Variants in MNAT1 observed in about 807,000 individuals in gnomAD.
The protein encoded by MNAT1 is MNAT1 component of CDK activating kinase, also known as CDK-activating kinase assembly factor MAT1.
A neutral mutation model predicts 42.0 loss-of-function variants in MNAT1; 43 were observed. That is an observed-to-expected ratio of 1.02 (90% CI 0.80 to 1.32). MNAT1 has a LOEUF of 1.32. MNAT1 is among the 40% of genes most tolerant of loss of function. MNAT1 has a pLI of 0.00. For synonymous variants in MNAT1, 118 were observed against 120.0 expected (o/e 0.98, Z 0.11); for missense variants, 306 against 350.4 (o/e 0.87, Z 1.01).
chr14:60,819,058 G>A (rs999569944), intron 6 of MNAT1, among the ~76,000 whole-genome samples: 1 of 151,986 alleles, frequency 6.6e-6, no homozygotes, highest in Admixed American at 6.6e-5. Context: ...TTTTGTATGT[G>A]AATTGGGTTT....
chr14:60,883,966 G>T lies in MNAT1; in HGVS notation c.809+4131G>T, dbSNP rs145203926. 8.8e-4 allele frequency among the ~76,000 whole-genome samples: 134 copies of T among 151,464 alleles called. 1 individual carries two copies. Among genetic ancestry groups the T allele is most frequent in the African/African-American group, 3.0e-3 (124 of 40,976 alleles). On this transcript the variant is annotated intron_variant, in intron 7 of 7. Transcript: ENST00000261245. ...GTTTATCAGTTCTAATAGTTTTTTT[G>T]TGAAGTCTTTAGGTTTTTCCAAATA... is the stretch of plus-strand genomic sequence containing the variant.
chr14:60,789,122 A>C (rs2031740380), intron 1 of MNAT1, among the ~76,000 whole-genome samples: 1 of 152,084 alleles, frequency 6.6e-6, no homozygotes, highest in East Asian at 1.9e-4. Context: ...TGAACACCTA[A>C]GAGTCCATTG....
intron 6 of MNAT1, among the ~76,000 whole-genome samples, chr14:60,823,284 A>T (rs1378687982): frequency 6.6e-6 from 1 of 152,156 alleles, no homozygotes; most frequent in Admixed American, 6.5e-5. Flanking sequence ...GCTTGTTAGC[A>T]GCAGTGCTCT....
At chr14:60,822,505 T>C (rs1298907663) in intron 6 of MNAT1, among the ~76,000 whole-genome samples, 1 of 152,150 alleles carries the variant, frequency 6.6e-6, no homozygotes, top group African/African-American at 2.4e-5. Context: ...CCTAGCTCAC[T>C]GTAGCCTACT....
chr14:60,902,832 T>C (rs1310168908), intron 7 of MNAT1, among the ~76,000 whole-genome samples: 2 of 151,996 alleles, frequency 1.3e-5, no homozygotes, highest in African/African-American at 2.4e-5. Flanking sequence ...CTTGCTGTTA[T>C]ATATGAAAAC....
chr14:60,887,467 G>A (rs2034706258), intron 7 of MNAT1, among the ~76,000 whole-genome samples: 1 of 141,058 alleles, frequency 7.1e-6, no homozygotes, highest in Non-Finnish European at 1.5e-5. Context: ...TCCCACCTGT[G>A]AGTGAGAACA....
At chr14:60,847,112 T>A (rs2033700816) in intron 6 of MNAT1, among the ~76,000 whole-genome samples, 1 of 152,134 alleles carries the variant, frequency 6.6e-6, no homozygotes, top group Admixed American at 6.6e-5. Flanking sequence ...TCTTAAAGAC[T>A]TGTTTTATTT....
chr14:60,749,372 A>G (rs1311143999), intron 1 of MNAT1, among the ~76,000 whole-genome samples: 2 of 152,234 alleles, frequency 1.3e-5, no homozygotes, highest in African/African-American at 4.8e-5. Flanking sequence ...GGATACAAAT[A>G]CAAATAGAAA....
At chr14:60,737,765 G>A (rs1896345380) in intron 1 of MNAT1, among the ~76,000 whole-genome samples, 1 of 152,036 alleles carries the variant, frequency 6.6e-6, no homozygotes, top group African/African-American at 2.4e-5. Context: ...GACAGGCATG[G>A]TTGTTCCTAC....
chr14:60,854,812 A>T (rs1454093338), intron 6 of MNAT1, among the ~76,000 whole-genome samples: 1 of 152,164 alleles, frequency 6.6e-6, no homozygotes, highest in African/African-American at 2.4e-5. Flanking sequence ...TCTGTCCCTT[A>T]GCAGAGCTGG....
chr14:60,882,041 A>T (rs1225928966), intron 7 of MNAT1, among the ~76,000 whole-genome samples: 1 of 152,066 alleles, frequency 6.6e-6, no homozygotes, highest in Non-Finnish European at 1.5e-5. Flanking sequence ...TGCACCTTTA[A>T]TCACAGCTAC....
At chr14:60,955,597 G>T (rs1240292356) in intron 7 of MNAT1, among the ~76,000 whole-genome samples, 4 of 152,174 alleles carry the variant, frequency 2.6e-5, no homozygotes, top group African/African-American at 9.7e-5. Context: ...GGAGGCGGAG[G>T]TTGCAGTGAG....
intron 7 of MNAT1, among the ~76,000 whole-genome samples, chr14:60,930,554 C>T (rs1165483470): frequency 1.3e-5 from 2 of 152,014 alleles, no homozygotes; most frequent in African/African-American, 2.4e-5. Flanking sequence ...AGCTGACAGT[C>T]TGGAAAAGGG....
At chr14:60,822,823 C>T (rs755797315) in intron 6 of MNAT1, among the ~76,000 whole-genome samples, 12 of 151,998 alleles carry the variant, frequency 7.9e-5, no homozygotes, top group Non-Finnish European at 1.5e-4. Context: ...GTGACACAAT[C>T]TGGACTCCCT....
intron 6 of MNAT1, among the ~76,000 whole-genome samples, chr14:60,836,972 C>T (rs987921585): frequency 2.0e-5 from 3 of 152,188 alleles, no homozygotes; most frequent in Non-Finnish European, 4.4e-5. Context: ...AGTCAGGCTA[C>T]AGCAGCTTTG....
At chr14:60,937,706 G>A (rs1170320484) in intron 7 of MNAT1, among the ~76,000 whole-genome samples, 3 of 151,864 alleles carry the variant, frequency 2.0e-5, no homozygotes, top group South Asian at 2.1e-4. Context: ...TTGACTTGGC[G>A]ATGCGGGCTC....
intron 1 of MNAT1, among the ~76,000 whole-genome samples, chr14:60,737,542 A>G (rs1012219508): frequency 6.6e-6 from 1 of 151,986 alleles, no homozygotes; most frequent in Admixed American, 6.6e-5. Context: ...TTTAAAATTA[A>G]TATTTAATTA....
intron 1 of MNAT1, among the ~76,000 whole-genome samples, chr14:60,776,252 G>C (rs1470608797): frequency 8.5e-5 from 13 of 152,136 alleles, no homozygotes. Flanking sequence ...TGAGGTCAAA[G>C]GATAGAGTAG....
At chr14:60,864,875 G>A (rs1235763258) in intron 6 of MNAT1, among the ~76,000 whole-genome samples, 1 of 151,986 alleles carries the variant, frequency 6.6e-6, no homozygotes, top group Non-Finnish European at 1.5e-5. Flanking sequence ...TTTTAGGACA[G>A]AAGAAAGGTA....
Sources: allele counts gnomAD v4.1 joint callset (sites outside exome capture counted in the v4.1 genomes callset), GRCh38; gene constraint gnomAD v4.1.1; transcripts MANE v1.5; gene names NCBI Gene and HGNC (gene_info 2026-07-23, HGNC 2026-07-21).